Variants in TSC2 observed in about 807,000 individuals in gnomAD.
TSC2 encodes TSC complex subunit 2.
TSC2 carries 29 observed loss-of-function variants against 202.2 expected under a neutral mutation model. That is an observed-to-expected ratio of 0.14 (90% CI 0.11 to 0.20). The LOEUF (loss-of-function observed/expected upper bound fraction) is 0.20. TSC2 is among the 10% of genes least tolerant of loss of function. TSC2 has a pLI of 1.00. For synonymous variants in TSC2, 1,349 were observed against 1,044.0 expected (o/e 1.29, Z -5.63); for missense variants, 2,429 against 2,420.0 (o/e 1.00, Z -0.08).
In TSC2 at chr16:2,084,953, T is replaced by C. The variant is rs1596422033; in HGVS notation, c.4496T>C (p.Phe1499Ser). The C allele has an allele frequency of 6.2e-7, 1 of 1,613,270 alleles. No individual in the cohort carries two copies. Among genetic ancestry groups the C allele is most frequent in the Non-Finnish European group, 8.5e-7 (1 of 1,179,960 alleles). The change falls in exon 35 of 42, where the codon TTC becomes TCC. Residue 1499 changes from phenylalanine (F) to serine (S), a missense_variant and splice_region_variant. Physicochemically the swap from Phe to Ser is radical, Grantham distance 155. Coordinates refer to ENST00000219476, the MANE Select transcript of TSC2 (RefSeq NM_000548.5). ...CCCACCATCCCCTCCCTGTGCAGTTTCGTGTTCCTGCAGCTCTACCATTCC... is the reference window on the plus strand; with the variant it reads ...CCCACCATCCCCTCCCTGTGCAGTTCCGTGTTCCTGCAGCTCTACCATTCC... ...AEKVPGINPS[F>S]VFLQLYHSPF...
chr16:2,048,203 G>A, intron 1 of TSC2, 138 bp downstream of exon 1: 1 of 1,526,646 alleles, frequency 6.6e-7, no homozygotes, highest in Non-Finnish European at 8.9e-7. Context: ...GCATCCCTTA[G>A]TTTTAAGTCA....
chr16:2,080,733 C>T (rs1249253634), intron 30 of TSC2: 1 of 280,570 alleles, frequency 3.6e-6, no homozygotes, highest in Non-Finnish European at 7.0e-6. Flanking sequence ...ATCCGCCCGC[C>T]TTGGCCTCCC....
At chr16:2,048,502 A>G in intron 1 of TSC2, 85 bp from the exon 2 acceptor site, 2 of 1,547,388 alleles carry the variant, frequency 1.3e-6, no homozygotes, top group Non-Finnish European at 1.8e-6. Flanking sequence ...CCAGAGACCC[A>G]GGGTCCTGAC....
intron 11 of TSC2, 181 bp from the exon 12 acceptor site, chr16:2,061,690 T>C (rs1330971395): frequency 2.0e-5 from 19 of 957,416 alleles, no homozygotes; most frequent in Non-Finnish European, 2.9e-5. Flanking sequence ...GATCTGGGGG[T>C]GTCTCAACCC....
At chr16:2,053,191 A>T in intron 3 of TSC2, 151 bp from the exon 4 acceptor site, 1 of 774,832 alleles carries the variant, frequency 1.3e-6, no homozygotes, top group Non-Finnish European at 2.2e-6. Flanking sequence ...AGGCTGCAGG[A>T]GACACAGGAG....
chr16:2,084,179 C>T (rs2090472602), intron 33 of TSC2, 49 bp from the exon 34 acceptor site: 3 of 1,551,160 alleles, frequency 1.9e-6, no homozygotes, highest in Non-Finnish European at 2.6e-6. Context: ...CCCAGGTGGG[C>T]TCGAGGGTGC....
At position 2,085,407 on chromosome 16, in the gene TSC2, G is replaced by A. The variant is rs568567414; in HGVS notation, c.4662+85G>A. 147 of 1,388,800 alleles carry A rather than the reference G, an allele frequency of 1.1e-4. No homozygotes were observed. The African/African-American group carries it at 1.5e-3, about 14-fold the overall frequency. 86.0% of individuals were successfully genotyped at this position (1,388,800 alleles called of 1,614,324 possible). ...TGGGTAGGGAGTCTGGGCCCCCAAC[G>A]CCCCACAGAGCTCAACACTGCCGGG... On this transcript the variant is annotated intron_variant, in intron 36 of 41. Transcript: ENST00000219476.
At position 2,076,176 on chromosome 16, in the gene TSC2, C is replaced by T. The variant is rs377568673; in HGVS notation, c.2742+6C>T. Reference sequence around the variant, plus strand: ...TTGTCCCTTTCATCACTAAGGTGGGCTCAGGGCCGGTGAAGGCTGTGTCTC... The same window carrying T: ...TTGTCCCTTTCATCACTAAGGTGGGTTCAGGGCCGGTGAAGGCTGTGTCTC... On this transcript the variant is annotated splice_donor_region_variant and intron_variant, in intron 24 of 41. Coordinates refer to ENST00000219476, the MANE Select transcript of TSC2 (RefSeq NM_000548.5). 3.3e-5 allele frequency: 53 copies of T among 1,613,402 alleles called. No homozygotes were observed. Among genetic ancestry groups the T allele is most frequent in the Non-Finnish European group, 4.5e-5 (53 of 1,180,032 alleles).
chr16:2,080,122 A>G, intron 29 of TSC2, 43 bp from the exon 30 acceptor site: 1 of 1,609,264 alleles, frequency 6.2e-7, no homozygotes, highest in Non-Finnish European at 8.5e-7. Flanking sequence ...GTGGTTTTGC[A>G]TCAGGTAAGT....
Position 2,088,094 on chromosome 16 carries a change from C to T in TSC2, c.5115C>T (p.Asp1705=), listed in dbSNP as rs1385591764. Reference sequence around the variant, plus strand: ...CCAGCGTGGCCAAGATCGTGTCTGACCGCAACCTGCCCTTCGTGGCCCGCC... The same window carrying T: ...CCAGCGTGGCCAAGATCGTGTCTGATCGCAACCTGCCCTTCGTGGCCCGCC... The part of the protein sequence containing the change: ...VDTSVAKIVS[D]RNLPFVARQM... The change falls in exon 40 of 42, where the codon GAC becomes GAT. Residue 1705 remains aspartate, a synonymous_variant. Coordinates refer to ENST00000219476, the MANE Select transcript of TSC2 (RefSeq NM_000548.5). The T allele has an allele frequency of 6.2e-7, 1 of 1,612,798 alleles. No homozygotes were observed. Among genetic ancestry groups the T allele is most frequent in the Non-Finnish European group, 8.5e-7 (1 of 1,180,020 alleles).
chr16:2,060,921 C>T (rs1596299684), intron 11 of TSC2, 108 bp downstream of exon 11: 2 of 1,365,836 alleles, frequency 1.5e-6, no homozygotes, highest in East Asian at 2.5e-5. Context: ...CCCGCAGAGA[C>T]TGCCAGAACC....
chr16:2,048,429 G>C (rs1437656486), intron 1 of TSC2, among the ~76,000 whole-genome samples, 158 bp from the exon 2 acceptor site: 1 of 152,144 alleles, frequency 6.6e-6, no homozygotes, highest in Non-Finnish European at 1.5e-5. Flanking sequence ...GCCTGTTTGC[G>C]AGCTGGTCAG....
intron 11 of TSC2, chr16:2,061,559 C>T (rs2086637021): frequency 4.4e-6 from 2 of 455,954 alleles, no homozygotes; most frequent in Non-Finnish European, 4.1e-6. Flanking sequence ...TGGGCACAGC[C>T]AAGATTCCTT....
In TSC2 at chr16:2,077,592, C is replaced by T. The variant is rs528706539; in HGVS notation, c.2838-6C>T. 44 of 1,612,718 alleles carry T rather than the reference C, an allele frequency of 2.7e-5. No homozygotes were observed. The highest frequency in any genetic ancestry group is 4.4e-5 in the South Asian group (4 of 91,074). ...GGGGCGTTGGGGCTCCTTCCTCACC[C>T]GATAGTCTGAGGATAGCCAGACCCC... On this transcript the variant is annotated splice_polypyrimidine_tract_variant and splice_region_variant and intron_variant, in intron 25 of 41. Coordinates refer to ENST00000219476, the MANE Select transcript of TSC2 (RefSeq NM_000548.5).
chr16:2,063,735 G>T, intron 14 of TSC2: 1 of 236,862 alleles, frequency 4.2e-6, no homozygotes. Context: ...AGGGCCTCCT[G>T]GAAGTTCCTC....
chr16:2,063,685 T>G (rs1303944980), intron 14 of TSC2: 1 of 224,408 alleles, frequency 4.5e-6, no homozygotes, highest in Non-Finnish European at 9.0e-6. Context: ...AATTGCCCTT[T>G]GCTGGGCATT....
In TSC2 at chr16:2,086,170, C is replaced by T. The variant is rs762017930; in HGVS notation, c.4663-23C>T. 16 of 1,612,058 alleles carry T rather than the reference C, an allele frequency of 9.9e-6. No homozygotes were observed. In the South Asian group the frequency reaches 1.5e-4, roughly 15 times the overall value. On this transcript the variant is annotated intron_variant, in intron 36 of 41. Transcript: ENST00000219476. ...GGCCCGGCCCGGGAGTGATGCCACCCTGCCTCTCCCCTCTCCCCACAGAGC... is the reference window on the plus strand; with the variant it reads ...GGCCCGGCCCGGGAGTGATGCCACCTTGCCTCTCCCCTCTCCCCACAGAGC...
chr16:2,079,035 G>T lies in TSC2; in HGVS notation c.2970G>T (p.Arg990Ser), dbSNP rs1317631053. The change falls in exon 27 of 42, where the codon AGG becomes AGT. Residue 990 changes from arginine to serine, a missense_variant. Transcript: ENST00000219476. The surrounding 1 kb of genome is among the most constrained non-coding windows in gnomAD (Gnocchi z 4.6). ...ISVSEHVVRS[R>S]IQTSLTSASL... is the part of the protein sequence containing the mutation. ...TGGTCACGGCCTCTCCCTCCAGCAG[G>T]ATACAGACGTCCCTCACCAGTGCCA... 1.2e-6 allele frequency: 2 copies of T among 1,612,568 alleles called. No individual in the cohort carries two copies. The highest frequency in any genetic ancestry group is 1.7e-6 in the Non-Finnish European group (2 of 1,180,014).
chr16:2,054,098 G>A (rs557333039), intron 4 of TSC2, 198 bp from the exon 5 acceptor site: 19 of 775,254 alleles, frequency 2.5e-5, no homozygotes, highest in South Asian at 1.2e-4. Context: ...CCCATACGCC[G>A]CTCTGCGGTC....
Sources: allele counts gnomAD v4.1 joint callset (sites outside exome capture counted in the v4.1 genomes callset), GRCh38; gene constraint gnomAD v4.1.1; non-coding constraint Gnocchi (gnomAD v3.1); transcripts MANE v1.5; gene names NCBI Gene and HGNC (gene_info 2026-07-23, HGNC 2026-07-21).